GALNTL6: variants seen among roughly 807,000 people sequenced by gnomAD.
GALNTL6 encodes polypeptide N-acetylgalactosaminyltransferase like 6, also known as polypeptide N-acetylgalactosaminyltransferase-like 6.
A neutral mutation model predicts 73.7 loss-of-function variants in GALNTL6; 46 were observed. The observed-to-expected ratio is 0.62, with a 90% CI of 0.49 to 0.80. The LOEUF (loss-of-function observed/expected upper bound fraction) is 0.80, where lower values mean the gene tolerates loss of function less well. Ranked by LOEUF, GALNTL6 falls within the 30% of genes least tolerant of loss-of-function variation. The pLI, the probability that GALNTL6 is intolerant of heterozygous loss-of-function variation, is 0.00. For synonymous variants in GALNTL6, 259 were observed against 263.7 expected, an observed-to-expected ratio of 0.98 and a Z score of 0.17; for missense variants, 604 against 755.0, an observed-to-expected ratio of 0.80 and a Z score of 2.34.
chr4:172,181,760 A>G (rs1398338639), intron 2 of GALNTL6, among the ~76,000 whole-genome samples: 2 of 149,828 alleles, frequency 1.3e-5, no homozygotes, highest in Non-Finnish European at 3.0e-5. Flanking sequence ...TCTGTAACCA[A>G]GGCTGGAGTG....
chr4:172,010,336 T>TG (rs5864106), intron 2 of GALNTL6, among the ~76,000 whole-genome samples: 151,796 of 152,130 alleles, frequency 1, 75,731 homozygotes, highest in Middle Eastern at 1. Context: ...CAAACACTAC[T>TG]GGACTATAAA....
intron 5 of GALNTL6, among the ~76,000 whole-genome samples, chr4:172,746,836 A>T (rs1737133215): frequency 6.6e-6 from 1 of 152,094 alleles, no homozygotes; most frequent in African/African-American, 2.4e-5. Flanking sequence ...TAGTACTATA[A>T]ATTATAACTA....
At chr4:172,485,105 G>A (rs1246215165) in intron 5 of GALNTL6, among the ~76,000 whole-genome samples, 1 of 151,988 alleles carries the variant, frequency 6.6e-6, no homozygotes, top group Non-Finnish European at 1.5e-5. Context: ...ACATTGTGGG[G>A]CACATATGCA....
chr4:172,963,535 GC>G (rs995975225), intron 10 of GALNTL6, among the ~76,000 whole-genome samples: 19 of 152,202 alleles, frequency 1.2e-4, no homozygotes, highest in Admixed American at 3.3e-4. Context: ...ATAGTGTCTA[GC>G]ATATAGTAGG....
chr4:172,655,253 G>T (rs1238718125), intron 5 of GALNTL6, among the ~76,000 whole-genome samples: 2 of 152,054 alleles, frequency 1.3e-5, no homozygotes, highest in East Asian at 3.8e-4. Context: ...GTTTGTGATG[G>T]TTGTTGTTGT....
intron 5 of GALNTL6, among the ~76,000 whole-genome samples, chr4:172,396,704 G>A (rs1743861769): frequency 6.6e-6 from 1 of 152,110 alleles, no homozygotes; most frequent in Non-Finnish European, 1.5e-5. Flanking sequence ...TTTATTGATG[G>A]AGATATATTG....
At chr4:172,301,013 G>A (rs1006817767) in intron 3 of GALNTL6, among the ~76,000 whole-genome samples, 2 of 152,154 alleles carry the variant, frequency 1.3e-5, no homozygotes, top group Non-Finnish European at 2.9e-5. Flanking sequence ...CCAATCAGAC[G>A]TAGATTTGGT....
chr4:172,657,977 C>T (rs1181375151), intron 5 of GALNTL6, among the ~76,000 whole-genome samples: 3 of 140,746 alleles, frequency 2.1e-5, no homozygotes, highest in East Asian at 4.3e-4. Context: ...GGTGAAACCC[C>T]GTCTCTACTA....
chr4:172,334,082 A>G (rs1741227458), intron 4 of GALNTL6, among the ~76,000 whole-genome samples: 2 of 152,224 alleles, frequency 1.3e-5, no homozygotes, highest in South Asian at 4.1e-4. Context: ...GCTATTTGGT[A>G]TGGGTTACGA....
rs190637331 is a variant in GALNTL6 at position 172,433,906 on chromosome 4, T to C, written c.553+85217T>C. On this transcript the variant is annotated intron_variant, in intron 5 of 12. Coordinates refer to ENST00000506823, the MANE Select transcript of GALNTL6 (RefSeq NM_001034845.3). ...CCAGTACACAGGTTTGTAACACTTT[T>C]ATTTTTCTCATACCACTCCCTCCCA... Among the ~76,000 whole-genome samples, 7 of 152,280 alleles carry C rather than the reference T, an allele frequency of 4.6e-5. No individual in the cohort carries two copies. In the East Asian group the frequency reaches 1.4e-3, roughly 29 times the overall value.
intron 2 of GALNTL6, among the ~76,000 whole-genome samples, chr4:171,847,244 G>A (rs1281645820): frequency 6.6e-6 from 1 of 152,020 alleles, no homozygotes; most frequent in East Asian, 1.9e-4. Flanking sequence ...GTTTCCCAGT[G>A]CATATGAAAG....
At chr4:172,051,588 G>A (rs566504668) in intron 2 of GALNTL6, among the ~76,000 whole-genome samples, 12 of 152,144 alleles carry the variant, frequency 7.9e-5, no homozygotes, top group Non-Finnish European at 1.0e-4. Flanking sequence ...GCATTCAGAC[G>A]TTCCTTTTCT....
chr4:172,502,009 T>C (rs74544057), intron 5 of GALNTL6, among the ~76,000 whole-genome samples: 2,544 of 152,242 alleles, frequency 0.017, 66 homozygotes, highest in African/African-American at 0.058. Context: ...ATTTTACTCA[T>C]TAAAATACAC....
intron 12 of GALNTL6, 36 bp from the exon 13 acceptor site, chr4:173,039,897 T>C (rs753737333): frequency 4.5e-6 from 7 of 1,565,112 alleles, no homozygotes; most frequent in Non-Finnish European, 6.1e-6. Flanking sequence ...CACCACGTAT[T>C]ACAACAGTCT....
At chr4:171,880,778 C>T (rs576041101) in intron 2 of GALNTL6, among the ~76,000 whole-genome samples, 6 of 151,970 alleles carry the variant, frequency 3.9e-5, no homozygotes, top group Non-Finnish European at 8.8e-5. Flanking sequence ...AGAGCTTCCC[C>T]CTCTGCCCAA....
At chr4:171,874,121 C>T (rs1375006192) in intron 2 of GALNTL6, among the ~76,000 whole-genome samples, 2 of 152,160 alleles carry the variant, frequency 1.3e-5, no homozygotes, top group Admixed American at 6.6e-5. Context: ...TGTGCACAAA[C>T]ATGGTTAATA....
At position 172,058,675 on chromosome 4, in the gene GALNTL6, C is replaced by G. The variant is rs542814079; in HGVS notation, c.139-170981C>G. On this transcript the variant is annotated intron_variant, in intron 2 of 12. Coordinates refer to ENST00000506823, the MANE Select transcript of GALNTL6 (RefSeq NM_001034845.3). ...TCTATACTTCTTTTCATATAGTTTG[C>G]CACTGTCTATTGCCATTCTGTTTAT... Among the ~76,000 whole-genome samples, 3 of 152,170 alleles carry G rather than the reference C, an allele frequency of 2.0e-5. No homozygotes were observed. In the South Asian group the frequency reaches 6.2e-4, roughly 32 times the overall value.
chr4:173,018,304 C>CA (rs1351649505), intron 11 of GALNTL6, among the ~76,000 whole-genome samples: 1 of 152,166 alleles, frequency 6.6e-6, no homozygotes, highest in Non-Finnish European at 1.5e-5. Flanking sequence ...TAAGCATTAT[C>CA]ATTTGCTATT....
intron 2 of GALNTL6, among the ~76,000 whole-genome samples, chr4:171,955,126 T>C (rs1039041588): frequency 1.3e-5 from 2 of 152,164 alleles, no homozygotes; most frequent in African/African-American, 2.4e-5. Context: ...TGACAGTCAA[T>C]GTAAGGCTGA....
Sources: gnomAD v4.1 joint callset for allele counts (sites outside exome capture counted in the v4.1 genomes callset) on GRCh38, gnomAD v4.1.1 for gene constraint, MANE v1.5 for transcripts, NCBI Gene and HGNC (gene_info 2026-07-23, HGNC 2026-07-21) for gene names.